Variants in CSGALNACT1 observed in about 807,000 individuals in gnomAD.
CSGALNACT1 encodes the protein beta4GalNAcT-1.
In CSGALNACT1, 52 loss-of-function variants were observed where a neutral mutation model predicts 51.0. That is an observed-to-expected ratio of 1.02 (90% confidence interval 0.82 to 1.29). The LOEUF (loss-of-function observed/expected upper bound fraction) is 1.29, where lower values mean the gene tolerates loss of function less well. CSGALNACT1 is among the 50% of genes most tolerant of loss of function. CSGALNACT1 has a pLI of 0.00. For missense variants in CSGALNACT1, 935 were observed against 679.2 expected, an observed-to-expected ratio of 1.38 and a Z score of -4.19; for synonymous variants, 341 against 254.4, an observed-to-expected ratio of 1.34 and a Z score of -3.24.
intron 1 of CSGALNACT1, among the ~76,000 whole-genome samples, chr8:19,621,284 A>T (rs76160238): frequency 0.024 from 3,584 of 152,142 alleles, 161 homozygotes; most frequent in African/African-American, 0.082. Flanking sequence ...GGGAAAAAAA[A>T]CCCTGCAAAT....
intron 1 of CSGALNACT1, among the ~76,000 whole-genome samples, chr8:19,665,391 A>C (rs2059103846): frequency 6.6e-6 from 1 of 152,166 alleles, no homozygotes; most frequent in African/African-American, 2.4e-5. Context: ...AGTGGTTACA[A>C]ATGTCTGTTT....
At chr8:19,527,353 C>T (rs1018394710) in intron 3 of CSGALNACT1, among the ~76,000 whole-genome samples, 37 of 152,250 alleles carry the variant, frequency 2.4e-4, no homozygotes, top group Middle Eastern at 3.4e-3. Flanking sequence ...GTAATCTCAG[C>T]ACTTTGGGAG....
intron 6 of CSGALNACT1, among the ~76,000 whole-genome samples, chr8:19,425,658 G>A (rs1201038277): frequency 6.6e-6 from 1 of 152,182 alleles, no homozygotes; most frequent in Non-Finnish European, 1.5e-5. Context: ...GGAAAAAGCA[G>A]AGGTTGCAGA....
intron 4 of CSGALNACT1, among the ~76,000 whole-genome samples, chr8:19,498,425 T>C (rs1053961616): frequency 1.3e-5 from 2 of 152,216 alleles, no homozygotes; most frequent in Admixed American, 1.3e-4. Flanking sequence ...TGGGAGAGGC[T>C]GAGCAGCACT....
At chr8:19,755,185 G>C (rs2154255025) in intron 1 of CSGALNACT1, among the ~76,000 whole-genome samples, 1 of 152,186 alleles carries the variant, frequency 6.6e-6, no homozygotes, top group East Asian at 1.9e-4. Context: ...TAAGAACAGA[G>C]CTAGAGCAAC....
intron 4 of CSGALNACT1, among the ~76,000 whole-genome samples, chr8:19,471,688 GAGCC>G (rs1472400039): frequency 6.6e-6 from 1 of 152,126 alleles, no homozygotes; most frequent in African/African-American, 2.4e-5. Flanking sequence ...AGGAGCAGAG[GAGCC>G]TAAGGAAAGG....
At chr8:19,540,691 C>T (rs971559090) in intron 3 of CSGALNACT1, among the ~76,000 whole-genome samples, 1 of 152,228 alleles carries the variant, frequency 6.6e-6, no homozygotes, top group African/African-American at 2.4e-5. Flanking sequence ...GCTTCAGCCA[C>T]AGTGCTATAT....
intron 3 of CSGALNACT1, among the ~76,000 whole-genome samples, chr8:19,544,039 T>G (rs564974537): frequency 6.6e-6 from 1 of 152,294 alleles, no homozygotes; most frequent in East Asian, 1.9e-4. Context: ...AGCCTGATGC[T>G]GCTAATGTAA....
intron 3 of CSGALNACT1, among the ~76,000 whole-genome samples, chr8:19,548,173 T>C (rs2086942319): frequency 6.6e-6 from 1 of 152,240 alleles, no homozygotes; most frequent in Non-Finnish European, 1.5e-5. Flanking sequence ...AGAGGCAACT[T>C]GCCCATTTCA....
rs118164575 is a variant in CSGALNACT1, at chr8:19,536,675, G to A, written c.-296-30545C>T. Among the ~76,000 whole-genome samples, 30 of 152,226 alleles carry A rather than the reference G, an allele frequency of 2.0e-4. No homozygotes were observed. The East Asian group carries it at 2.9e-3, about 15-fold the overall frequency. ...TACATATGAAGATTATAGAATCTAC[G>A]TAAGAAAGCAAAAGAGCTAGAACAG... is the stretch of plus-strand genomic sequence containing the variant. On this transcript the variant is annotated intron_variant, in intron 3 of 9. Coordinates refer to ENST00000454498, the Ensembl canonical transcript of CSGALNACT1.
At chr8:19,595,536 G>A (rs1473432646) in intron 2 of CSGALNACT1, among the ~76,000 whole-genome samples, 1 of 151,928 alleles carries the variant, frequency 6.6e-6, no homozygotes, top group African/African-American at 2.4e-5. Context: ...TAAAGTATCA[G>A]CTTGGATTAG....
chr8:19,693,070 G>T (rs994674712), intron 1 of CSGALNACT1, among the ~76,000 whole-genome samples: 7 of 152,168 alleles, frequency 4.6e-5, no homozygotes, highest in African/African-American at 1.7e-4. Context: ...TTGTGCCTAT[G>T]TGCCAGTCAT....
intron 1 of CSGALNACT1, among the ~76,000 whole-genome samples, chr8:19,688,506 C>T (rs939844024): frequency 6.6e-6 from 1 of 152,176 alleles, no homozygotes; most frequent in African/African-American, 2.4e-5. Context: ...TTAACCAGTG[C>T]CCATTGTATA....
At chr8:19,655,775 T>A (rs2058218863) in intron 1 of CSGALNACT1, among the ~76,000 whole-genome samples, 1 of 152,154 alleles carries the variant, frequency 6.6e-6, no homozygotes, top group Admixed American at 6.5e-5. Flanking sequence ...TTTTTTCACT[T>A]ATTGTACAAA....
intron 3 of CSGALNACT1, among the ~76,000 whole-genome samples, chr8:19,516,123 C>A (rs570099908): frequency 8.5e-5 from 13 of 152,290 alleles, no homozygotes; most frequent in Admixed American, 7.2e-4. Flanking sequence ...TCCCCTCGTT[C>A]ATAATTACAA....
chr8:19,668,924 G>C (rs1445494570), intron 1 of CSGALNACT1, among the ~76,000 whole-genome samples: 1 of 152,148 alleles, frequency 6.6e-6, no homozygotes, highest in African/African-American at 2.4e-5. Flanking sequence ...GAAATACTAG[G>C]AAACCTTTTG....
In CSGALNACT1 at chr8:19,459,244, G is replaced by A. The variant is rs559469033; in HGVS notation, c.635-602C>T. Among the ~76,000 whole-genome samples, 17 of 152,000 alleles carry A rather than the reference G, an allele frequency of 1.1e-4. 1 individual carries two copies. The South Asian group carries it at 3.5e-3, about 32-fold the overall frequency. ...CTACTAATACAAAAGTTAGTAGAGC[G>A]TCATGTTGTGCGCCTGTAACCCTGG... On this transcript the variant is annotated intron_variant, in intron 4 of 9. Transcript: ENST00000454498.
At chr8:19,467,977 C>T (rs1363424021) in intron 4 of CSGALNACT1, among the ~76,000 whole-genome samples, 1 of 152,158 alleles carries the variant, frequency 6.6e-6, no homozygotes, top group Non-Finnish European at 1.5e-5. Context: ...CAGAGTGAAA[C>T]CCTGTCTCAT....
At chr8:19,666,248 T>C (rs1005218492) in intron 1 of CSGALNACT1, among the ~76,000 whole-genome samples, 1 of 151,966 alleles carries the variant, frequency 6.6e-6, no homozygotes, top group Non-Finnish European at 1.5e-5. Flanking sequence ...CTGAGTGCTG[T>C]AGGGAAATTA....
Sources: allele counts gnomAD v4.1 joint callset (sites outside exome capture counted in the v4.1 genomes callset), GRCh38; gene constraint gnomAD v4.1.1; transcripts MANE v1.5; gene names NCBI Gene and HGNC (gene_info 2026-07-23, HGNC 2026-07-21).